DCDC2C: variants seen among roughly 807,000 people sequenced by gnomAD.
The protein encoded by DCDC2C is doublecortin domain-containing protein 2C.
Under a neutral mutation model 45.0 loss-of-function variants are expected in DCDC2C, and 44 were observed. That is an observed-to-expected ratio of 0.98 (90% CI 0.77 to 1.26). The LOEUF is 1.26. Among genes scored for constraint, DCDC2C ranks in the 50% most tolerant of loss-of-function variants. DCDC2C has a pLI of 0.00. For synonymous variants in DCDC2C, 187 were observed against 178.8 expected, an observed-to-expected ratio of 1.05 and a Z score of -0.37; for missense variants, 447 against 468.9, an observed-to-expected ratio of 0.95 and a Z score of 0.43.
rs1448835023 is a variant in DCDC2C, at chr2:3,708,588, G to A, written c.327G>A (p.Arg109=). The part of the protein sequence containing the change: ...HIVPRKPAKI[R]KLKEIKPVVH... ...TTCCCCGAAAACCTGCAAAGATAAG[G>A]AAGTTGAAGGAAGTAAGTGTTTGCT... Residue 109 remains arginine (R), a synonymous_variant, in exon 2 of 11, where the codon AGG becomes AGA. Transcript: ENST00000399143. 5.2e-6 allele frequency: 8 copies of A among 1,548,860 alleles called. No individual in the cohort carries two copies. Among genetic ancestry groups the A allele is most frequent in the African/African-American group, 2.7e-5 (2 of 73,102 alleles).
chr2:3,750,004 C>A (rs138286556), intron 4 of DCDC2C, among the ~76,000 whole-genome samples: 6 of 152,116 alleles, frequency 3.9e-5, no homozygotes, highest in African/African-American at 1.2e-4. Context: ...CCCTCTACCC[C>A]CCTCCACCCC....
rs1670098085 is a variant in DCDC2C at position 3,769,317 on chromosome 2, A to G, written c.860A>G (p.Asp287Gly). ...EPLVQRGAEG[D>G]VYKAPTPSKE... ...CTGTGTGATTTTCTCCCAGAAGGTG[A>G]CGTGTATAAAGCACCGACTCCTAGC... Residue 287 changes from aspartate to glycine, a missense_variant, in exon 8 of 11, where the codon GAC (aspartate) becomes GGC (glycine). Physicochemically the swap from Asp to Gly is moderately conservative, Grantham distance 94. Transcript: ENST00000399143. The G allele has an allele frequency of 1.3e-6, 2 of 1,549,890 alleles. No individual in the cohort carries two copies. The highest frequency in any genetic ancestry group is 2.0e-5 in the Admixed American group (1 of 50,968).
chr2:3,767,647 G>A (rs1382759300), intron 6 of DCDC2C, 107 bp from the exon 7 acceptor site: 2 of 1,322,954 alleles, frequency 1.5e-6, no homozygotes, highest in Non-Finnish European at 2.0e-6. Flanking sequence ...TCCTCCTACT[G>A]TTTCTCTGAG....
At chr2:3,765,728 C>G (rs1669994815) in intron 6 of DCDC2C, among the ~76,000 whole-genome samples, 1 of 152,214 alleles carries the variant, frequency 6.6e-6, no homozygotes. Flanking sequence ...ACATCCTTGC[C>G]CTTGGGTGGC....
At position 3,847,305 on chromosome 2, in the gene DCDC2C, T is replaced by TGG. The variant is rs1672358917; in HGVS notation, c.*123_*124dup. On this transcript the variant is annotated 3_prime_UTR_variant, in exon 11 of 11. Coordinates refer to ENST00000399143, the MANE Select transcript of DCDC2C (RefSeq NM_001287444.2). ...GGGGTGAAACTAAAGCCCCACACAG[T>TGG]GGTGTCTTCTCGAAAGCCAAAGACG... 1 of 610,804 alleles carries TGG rather than the reference T, an allele frequency of 1.6e-6. No individual in the cohort carries two copies. Among genetic ancestry groups the TGG allele is most frequent in the African/African-American group, 1.9e-5 (1 of 52,432 alleles). The allele number at this position is 610,804 out of a possible 1,614,324, so 37.8% of individuals were successfully genotyped here. A position where few individuals can be genotyped will look rare whatever the true frequency, so the allele number is the denominator to read the frequency against.
At chr2:3,711,874 G>A (rs748649508) in intron 2 of DCDC2C, among the ~76,000 whole-genome samples, 13 of 152,150 alleles carry the variant, frequency 8.5e-5, no homozygotes, top group Non-Finnish European at 1.3e-4. Flanking sequence ...TTCTGACAGC[G>A]TGTGAGATGC....
chr2:3,705,162 G>T (rs1355977064), intron 1 of DCDC2C, among the ~76,000 whole-genome samples: 1 of 152,190 alleles, frequency 6.6e-6, no homozygotes, highest in African/African-American at 2.4e-5. Context: ...AAAGTAGTAG[G>T]ATTTAGTATG....
chr2:3,707,066 G>A (rs559427534), intron 1 of DCDC2C, among the ~76,000 whole-genome samples: 2 of 152,226 alleles, frequency 1.3e-5, no homozygotes, highest in East Asian at 3.9e-4. Context: ...GCACCTCATG[G>A]TCCCATCACT....
chr2:3,764,428 A>C (rs966243028), intron 6 of DCDC2C, among the ~76,000 whole-genome samples: 1 of 152,204 alleles, frequency 6.6e-6, no homozygotes, highest in African/African-American at 2.4e-5. Flanking sequence ...AACAAGCTCT[A>C]TTCTGGAGGT....
intron 7 of DCDC2C, among the ~76,000 whole-genome samples, chr2:3,768,331 T>C (rs1670068993): frequency 6.6e-6 from 1 of 152,164 alleles, no homozygotes; most frequent in South Asian, 2.1e-4. Flanking sequence ...TGCTCTGACA[T>C]CTATTTTTAC....
intron 10 of DCDC2C, among the ~76,000 whole-genome samples, chr2:3,806,531 G>A (rs961509432): frequency 7.1e-6 from 1 of 141,160 alleles, no homozygotes; most frequent in Non-Finnish European, 1.5e-5. Context: ...GGCTTGTGAT[G>A]TATCTTTGAG....
chr2:3,746,262 G>A (rs1012080775), intron 4 of DCDC2C, among the ~76,000 whole-genome samples: 2 of 152,166 alleles, frequency 1.3e-5, no homozygotes, highest in African/African-American at 2.4e-5. Flanking sequence ...GAAGAGATGC[G>A]TGCTGTAAGA....
chr2:3,709,054 C>G (rs1009261214), intron 2 of DCDC2C, among the ~76,000 whole-genome samples: 4 of 152,166 alleles, frequency 2.6e-5, no homozygotes, highest in African/African-American at 9.7e-5. Flanking sequence ...CCGTTCTTAT[C>G]ATTTGATTCT....
At chr2:3,800,197 G>A (rs1028653162) in intron 10 of DCDC2C, among the ~76,000 whole-genome samples, 4 of 152,138 alleles carry the variant, frequency 2.6e-5, no homozygotes, top group African/African-American at 4.8e-5. Context: ...TGCGCTTCCC[G>A]AGTGAGGCAA....
chr2:3,752,640 C>G, intron 4 of DCDC2C, 123 bp from the exon 5 acceptor site: 1 of 1,191,646 alleles, frequency 8.4e-7, no homozygotes, highest in African/African-American at 1.5e-5. Context: ...CACGTGCTTA[C>G]GATGAGCACT....
At chr2:3,816,351 C>T (rs1228179499) in intron 10 of DCDC2C, among the ~76,000 whole-genome samples, 2 of 152,104 alleles carry the variant, frequency 1.3e-5, no homozygotes, top group Non-Finnish European at 2.9e-5. Context: ...TTTTTGGGCT[C>T]TATCCTTGAG....
At chr2:3,724,511 A>G (rs2254262) in intron 2 of DCDC2C, among the ~76,000 whole-genome samples, 143,059 of 152,266 alleles carry the variant, frequency 0.94, 67,886 homozygotes, top group East Asian at 1. Context: ...TTAATGAGGT[A>G]TGCAGCTCCT....
chr2:3,843,557 G>T (rs572092314), intron 10 of DCDC2C, among the ~76,000 whole-genome samples: 1 of 152,214 alleles, frequency 6.6e-6, no homozygotes, highest in South Asian at 2.1e-4. Context: ...GAAAGGTAAT[G>T]TTAGCATCAG....
intron 6 of DCDC2C, among the ~76,000 whole-genome samples, chr2:3,754,923 T>G (rs913141419): frequency 1.3e-5 from 2 of 152,216 alleles, no homozygotes; most frequent in Non-Finnish European, 2.9e-5. Context: ...ATATTTGGAC[T>G]TTTACGGGAC....
Sources: allele counts gnomAD v4.1 joint callset (sites outside exome capture counted in the v4.1 genomes callset), GRCh38; gene constraint gnomAD v4.1.1; transcripts MANE v1.5; gene names NCBI Gene and HGNC (gene_info 2026-07-23, HGNC 2026-07-21).